The following GLIS3 variants were observed in gnomAD, a reference collection of about 807,000 sequenced individuals.
GLIS3 encodes GLIS family zinc finger 3, also known as zinc finger protein GLIS3.
A neutral mutation model predicts 78.6 loss-of-function variants in GLIS3; 53 were observed. The ratio of observed to expected loss-of-function variants is 0.67; its 90% CI spans 0.54 to 0.85. GLIS3 has a LOEUF of 0.85. Ranked by LOEUF, GLIS3 falls within the 40% of genes least tolerant of loss-of-function variation. The pLI, the probability that GLIS3 is intolerant of heterozygous loss-of-function variation, is 0.00. For synonymous variants in GLIS3, 684 were observed against 509.9 expected, an observed-to-expected ratio of 1.34 and a Z score of -4.60; for missense variants, 1,703 against 1,231.1, an observed-to-expected ratio of 1.38 and a Z score of -5.74.
intron 2 of GLIS3, among the ~76,000 whole-genome samples, chr9:4,337,275 A>G (rs899971752): frequency 6.6e-6 from 1 of 152,232 alleles, no homozygotes; most frequent in African/African-American, 2.4e-5. Flanking sequence ...CCTTCACCAA[A>G]GTGTTAATTA....
chr9:4,281,671 T>C (rs973692817), intron 2 of GLIS3, among the ~76,000 whole-genome samples: 10 of 152,230 alleles, frequency 6.6e-5, no homozygotes, highest in African/African-American at 2.4e-4. Flanking sequence ...CATTGGGTTG[T>C]TTCTTCCTTT....
intron 4 of GLIS3, among the ~76,000 whole-genome samples, chr9:3,948,974 A>T (rs1054425610): frequency 1.3e-5 from 2 of 152,210 alleles, no homozygotes; most frequent in African/African-American, 4.8e-5. Flanking sequence ...AAGTAAAGGA[A>T]ATTGAGACAT....
chr9:4,235,348 T>A (rs749998009), intron 2 of GLIS3, among the ~76,000 whole-genome samples: 30 of 147,108 alleles, frequency 2.0e-4, no homozygotes, highest in Non-Finnish European at 3.0e-4. Flanking sequence ...TGGGTAAAGT[T>A]GGGGAGGGTC....
At chr9:3,924,390 G>A (rs1416501955) in intron 6 of GLIS3, among the ~76,000 whole-genome samples, 1 of 152,124 alleles carries the variant, frequency 6.6e-6, no homozygotes. Context: ...AGGGAAAATG[G>A]AAAAACCAGG....
At position 3,827,221 on chromosome 9, in the gene GLIS3, TA is replaced by T; in HGVS notation, c.*1050del. ...GATGAGTGGATATCCTGAAAAACGT[TA>T]GTAAAATCTGAGCACTGGAAGTCAA... On this transcript the variant is annotated 3_prime_UTR_variant, in exon 11 of 11. Coordinates refer to ENST00000381971, the MANE Select transcript of GLIS3 (RefSeq NM_001042413.2). 1 of 152,140 alleles carries T rather than the reference TA, an allele frequency of 6.6e-6. No individual in the cohort carries two copies. Among genetic ancestry groups the T allele is most frequent in the South Asian group, 2.1e-4 (1 of 4,806 alleles). The allele number at this position is 152,140 out of a possible 1,614,324, so 9.4% of individuals were successfully genotyped here.
At chr9:4,385,211 A>ATTCCCTTCGATTTCCCG in the GLIS3 span, among the ~76,000 whole-genome samples, 1 of 152,178 alleles carries the variant, frequency 6.6e-6, no homozygotes, top group Non-Finnish European at 1.5e-5. Context: ...TCGATTTCCC[A>ATTCCCTTCGATTTCCCG]CATTCCGTTT....
chr9:4,081,837 C>A (rs1326312466), intron 4 of GLIS3, among the ~76,000 whole-genome samples: 1 of 152,180 alleles, frequency 6.6e-6, no homozygotes, highest in East Asian at 1.9e-4. Context: ...ATTCTACAAT[C>A]ATTACCAAGA....
intron 2 of GLIS3, among the ~76,000 whole-genome samples, chr9:4,328,987 T>G (rs897194750): frequency 6.6e-6 from 1 of 152,196 alleles, no homozygotes; most frequent in Non-Finnish European, 1.5e-5. Flanking sequence ...TGAGTGTAGG[T>G]GCACCAACAG....
intron 2 of GLIS3, among the ~76,000 whole-genome samples, chr9:4,313,883 C>T (rs766900486): frequency 3.3e-5 from 5 of 152,202 alleles, no homozygotes; most frequent in Non-Finnish European, 7.3e-5. Context: ...ATCTGATTTA[C>T]AAGGTCTTAC....
chr9:4,076,307 G>C (rs779066498), intron 4 of GLIS3, among the ~76,000 whole-genome samples: 1 of 152,034 alleles, frequency 6.6e-6, no homozygotes, highest in Non-Finnish European at 1.5e-5. Flanking sequence ...AAAAGAAAAA[G>C]AATGCCATCT....
intron 2 of GLIS3, among the ~76,000 whole-genome samples, chr9:4,149,524 A>AC (rs1263497485): frequency 2.0e-5 from 3 of 152,124 alleles, no homozygotes; most frequent in Non-Finnish European, 2.9e-5. Context: ...GGAGCCTCCA[A>AC]CCTCTTGGTT....
rs111582574 is a variant in GLIS3, at chr9:3,970,139, G to C, written c.1711-32950C>G. 6.9e-3 allele frequency among the ~76,000 whole-genome samples: 1,048 copies of C among 152,292 alleles called. 9 individuals are homozygous for C. Among genetic ancestry groups the C allele is most frequent in the African/African-American group, 0.023 (958 of 41,558 alleles). ...AATTTGAAAACAATTATTAAGGGTG[G>C]TTTTCAGAGCTGGTACACACATATA... On this transcript the variant is annotated intron_variant, in intron 4 of 10. Coordinates refer to ENST00000381971, the MANE Select transcript of GLIS3 (RefSeq NM_001042413.2).
intron 2 of GLIS3, among the ~76,000 whole-genome samples, chr9:4,282,421 T>C (rs1827642327): frequency 6.6e-6 from 1 of 152,206 alleles, no homozygotes; most frequent in African/African-American, 2.4e-5. Context: ...AGCCCATCAG[T>C]TGAAGTCCTG....
chr9:4,390,020 A>T, the GLIS3 span, among the ~76,000 whole-genome samples: 3 of 152,244 alleles, frequency 2.0e-5, no homozygotes, highest in African/African-American at 4.8e-5. Context: ...ACACTTCCTG[A>T]ACAAATACTA....
At chr9:4,138,486 G>A (rs1833571142) in intron 2 of GLIS3, among the ~76,000 whole-genome samples, 1 of 152,206 alleles carries the variant, frequency 6.6e-6, no homozygotes, top group Non-Finnish European at 1.5e-5. Context: ...AGGAGGCTTA[G>A]TAGAGGAGTG....
At chr9:4,110,091 C>T (rs12378695) in intron 4 of GLIS3, among the ~76,000 whole-genome samples, 2,270 of 152,232 alleles carry the variant, frequency 0.015, 26 homozygotes, top group Non-Finnish European at 0.023. Context: ...CTGTATCCCC[C>T]GGGTAAGGTA....
intron 4 of GLIS3, among the ~76,000 whole-genome samples, chr9:3,962,510 A>T (rs1432022715): frequency 6.6e-6 from 1 of 152,226 alleles, no homozygotes; most frequent in African/African-American, 2.4e-5. Context: ...CTGTAAGTGT[A>T]CATCTGGCAA....
chr9:4,030,211 C>G (rs1180465705), intron 4 of GLIS3, among the ~76,000 whole-genome samples: 3 of 152,064 alleles, frequency 2.0e-5, no homozygotes, highest in Admixed American at 1.3e-4. Context: ...TGTTGAGCAC[C>G]TTTTCATATG....
chr9:4,480,844 A>AG, the GLIS3 span, among the ~76,000 whole-genome samples: 1 of 151,630 alleles, frequency 6.6e-6, no homozygotes, highest in South Asian at 2.1e-4. Flanking sequence ...TGAAAAAAAA[A>AG]AAAAAACCCA....
Sources: allele counts gnomAD v4.1 joint callset (sites outside exome capture counted in the v4.1 genomes callset), GRCh38; gene constraint gnomAD v4.1.1; transcripts MANE v1.5; gene names NCBI Gene and HGNC (gene_info 2026-07-23, HGNC 2026-07-21).